IGSF11: variants seen among roughly 807,000 people sequenced by gnomAD.
IGSF11 encodes the protein CXADR like 1.
Under a neutral mutation model 41.0 loss-of-function variants are expected in IGSF11, and 22 were observed. That is an observed-to-expected ratio of 0.54 (90% CI 0.38 to 0.77). IGSF11 has a LOEUF of 0.77. IGSF11 is among the 30% of genes least tolerant of loss of function. The pLI, the probability that IGSF11 is intolerant of heterozygous loss-of-function variation, is 0.00. For synonymous variants in IGSF11, 219 were observed against 201.3 expected, an observed-to-expected ratio of 1.09 and a Z score of -0.74; for missense variants, 444 against 530.8, an observed-to-expected ratio of 0.84 and a Z score of 1.61.
At chr3:118,943,481 G>A (rs2107563196) in intron 1 of IGSF11, among the ~76,000 whole-genome samples, 1 of 152,178 alleles carries the variant, frequency 6.6e-6, no homozygotes, top group South Asian at 2.1e-4. Flanking sequence ...AGAATCTAGG[G>A]GCTATTTTTT....
chr3:119,108,187 C>T (rs2077070764), upstream of IGSF11, among the ~76,000 whole-genome samples: 1 of 151,582 alleles, frequency 6.6e-6, no homozygotes, highest in South Asian at 2.1e-4. Flanking sequence ...GCAGTATGGC[C>T]ATTTTCACGA....
chr3:119,018,713 TAC>T (rs1397542501), intron 1 of IGSF11, among the ~76,000 whole-genome samples: 1 of 152,228 alleles, frequency 6.6e-6, no homozygotes, highest in African/African-American at 2.4e-5. Flanking sequence ...GTCTAGGCAA[TAC>T]ATGGCACATG....
intron 1 of IGSF11, among the ~76,000 whole-genome samples, chr3:119,064,693 A>G (rs1420736717): frequency 1.3e-5 from 2 of 151,758 alleles, no homozygotes; most frequent in African/African-American, 4.8e-5. Context: ...TGCATTTAGG[A>G]TTCTTTCATT....
intron 1 of IGSF11, among the ~76,000 whole-genome samples, chr3:119,129,143 A>C (rs988164829): frequency 6.6e-6 from 1 of 151,960 alleles, no homozygotes; most frequent in African/African-American, 2.4e-5. Context: ...GGGAACAACA[A>C]CACCAGGGCC....
At chr3:119,003,124 T>C (rs2107675751) in intron 1 of IGSF11, among the ~76,000 whole-genome samples, 1 of 138,078 alleles carries the variant, frequency 7.2e-6, no homozygotes, top group Non-Finnish European at 1.5e-5. Context: ...GTTCTTCCAT[T>C]TGTTTGTATC....
chr3:118,916,320 TAA>T (rs1941086139), intron 4 of IGSF11, among the ~76,000 whole-genome samples: 1 of 152,090 alleles, frequency 6.6e-6, no homozygotes, highest in Non-Finnish European at 1.5e-5. Context: ...GCGAGTTGGA[TAA>T]AGAGTCAAGA....
chr3:118,984,151 G>A (rs930020850), intron 1 of IGSF11, among the ~76,000 whole-genome samples: 4 of 150,444 alleles, frequency 2.7e-5, no homozygotes, highest in African/African-American at 9.9e-5. Flanking sequence ...GCCAGATTCA[G>A]GCTTTGTAAT....
intron 1 of IGSF11, among the ~76,000 whole-genome samples, chr3:118,931,180 TTAAA>T (rs1942818986): frequency 6.6e-6 from 1 of 152,082 alleles, no homozygotes; most frequent in African/African-American, 2.4e-5. Flanking sequence ...ATGCCAAAAA[TTAAA>T]TATTCTGAAT....
intron 1 of IGSF11, among the ~76,000 whole-genome samples, chr3:119,090,045 AC>A (rs1317268186): frequency 6.6e-6 from 1 of 152,164 alleles, no homozygotes; most frequent in Non-Finnish European, 1.5e-5. Context: ...AAACCAAAAA[AC>A]AAAAAAGATA....
At position 118,902,466 on chromosome 3, in the gene IGSF11, C is replaced by CAG; in HGVS notation, c.*53_*54insCT. The CAG allele has an allele frequency of 2.3e-6, 2 of 878,264 alleles. No homozygotes were observed. The highest frequency in any genetic ancestry group is 3.7e-6 in the Non-Finnish European group (2 of 544,878). The allele number at this position is 878,264 out of a possible 1,614,324, so 54.4% of individuals were successfully genotyped here. A position where few individuals can be genotyped will look rare whatever the true frequency, so the allele number is the denominator to read the frequency against. ...CAGCACTCCCCACCCCACCCTCCCC[C>CAG]TTGTATGAGGGCATTCCATTTATTC... On this transcript the variant is annotated 3_prime_UTR_variant, in exon 7 of 7. Coordinates refer to ENST00000393775, the MANE Select transcript of IGSF11 (RefSeq NM_001015887.3).
chr3:119,066,455 A>C (rs923934065), intron 1 of IGSF11, among the ~76,000 whole-genome samples: 1 of 152,226 alleles, frequency 6.6e-6, no homozygotes, highest in South Asian at 2.1e-4. Context: ...TCCCAACTCT[A>C]TCTTCTCTCT....
intron 1 of IGSF11, among the ~76,000 whole-genome samples, chr3:119,029,048 A>C (rs1420701515): frequency 6.6e-6 from 1 of 152,142 alleles, no homozygotes; most frequent in Non-Finnish European, 1.5e-5. Context: ...AAAATATGAA[A>C]AAAAAAGAAA....
chr3:119,136,891 T>C (rs1298218914), intron 1 of IGSF11, among the ~76,000 whole-genome samples: 1 of 151,658 alleles, frequency 6.6e-6, no homozygotes, highest in Non-Finnish European at 1.5e-5. Flanking sequence ...AGATGCAAAA[T>C]ACAAAATCAA....
intron 5 of IGSF11, among the ~76,000 whole-genome samples, 189 bp downstream of exon 5, chr3:118,905,407 A>G (rs550430020): frequency 3.7e-4 from 56 of 152,360 alleles, no homozygotes; most frequent in African/African-American, 1.1e-3. Flanking sequence ...AAAGATTATC[A>G]TATTGCTGAG....
chr3:119,139,582 C>T (rs2077612043), intron 1 of IGSF11, among the ~76,000 whole-genome samples: 1 of 152,228 alleles, frequency 6.6e-6, no homozygotes. Flanking sequence ...ACGTGACTTG[C>T]TCTTCCTTGC....
intron 1 of IGSF11, among the ~76,000 whole-genome samples, chr3:118,950,714 G>A (rs1944509310): frequency 6.6e-6 from 1 of 152,020 alleles, no homozygotes. Context: ...TAAAAGTATG[G>A]TGTTAGAAGT....
At chr3:119,024,359 T>C (rs1343718493) in intron 1 of IGSF11, among the ~76,000 whole-genome samples, 2 of 152,194 alleles carry the variant, frequency 1.3e-5, no homozygotes, top group East Asian at 3.8e-4. Context: ...GAACCATCTC[T>C]TATCGGTAGG....
At chr3:118,922,658 T>A (rs1941925095) in intron 4 of IGSF11, among the ~76,000 whole-genome samples, 1 of 152,140 alleles carries the variant, frequency 6.6e-6, no homozygotes, top group Non-Finnish European at 1.5e-5. Flanking sequence ...CTCCTCATTG[T>A]CTTATCTGTT....
intron 1 of IGSF11, among the ~76,000 whole-genome samples, chr3:119,085,387 G>A (rs1012946517): frequency 1.3e-5 from 2 of 152,132 alleles, no homozygotes; most frequent in African/African-American, 2.4e-5. Context: ...GAAGCCAACC[G>A]ACTGTGTACT....
Sources: allele counts gnomAD v4.1 joint callset (sites outside exome capture counted in the v4.1 genomes callset), GRCh38; gene constraint gnomAD v4.1.1; transcripts MANE v1.5; gene names NCBI Gene and HGNC (gene_info 2026-07-23, HGNC 2026-07-21).